Variants in AKNAD1 observed in about 807,000 individuals in gnomAD.
AKNAD1 encodes the protein AKNA domain containing 1.
In AKNAD1, 67 loss-of-function variants were observed where a neutral mutation model predicts 90.8. That is an observed-to-expected ratio of 0.74 (90% CI 0.61 to 0.90). The LOEUF is 0.90. AKNAD1 is among the 40% of genes least tolerant of loss of function. The pLI, the probability that AKNAD1 is intolerant of heterozygous loss-of-function variation, is 0.00. For synonymous variants in AKNAD1, 327 were observed against 341.4 expected, an observed-to-expected ratio of 0.96 and a Z score of 0.46; for missense variants, 957 against 975.4, an observed-to-expected ratio of 0.98 and a Z score of 0.25.
At chr1:108,845,518 A>G (rs985215225) in intron 5 of AKNAD1, among the ~76,000 whole-genome samples, 5 of 152,192 alleles carry the variant, frequency 3.3e-5, no homozygotes, top group African/African-American at 1.2e-4. Flanking sequence ...GGGTCCTTCC[A>G]GGAGATGCTT....
chr1:108,844,849 C>T (rs1008416348), intron 5 of AKNAD1, among the ~76,000 whole-genome samples: 13 of 149,868 alleles, frequency 8.7e-5, no homozygotes, highest in African/African-American at 2.7e-4. Context: ...GACAGTCACT[C>T]GCTCTGTCAC....
At chr1:108,830,471 C>A in intron 10 of AKNAD1, 88 bp downstream of exon 10, 1 of 1,260,674 alleles carries the variant, frequency 7.9e-7, no homozygotes. Flanking sequence ...CCAGTGGCCT[C>A]AGTTAGTTGC....
At chr1:108,819,702 A>G (rs1663749129) in intron 14 of AKNAD1, among the ~76,000 whole-genome samples, 1 of 151,924 alleles carries the variant, frequency 6.6e-6, no homozygotes, top group Non-Finnish European at 1.5e-5. Context: ...ACTTGAGGTC[A>G]GGAGTTTGAG....
At chr1:108,851,118 C>T (rs1479251142) in intron 2 of AKNAD1, among the ~76,000 whole-genome samples, 1 of 152,202 alleles carries the variant, frequency 6.6e-6, no homozygotes, top group Non-Finnish European at 1.5e-5. Flanking sequence ...TGCTGCCCTC[C>T]AGAGCCTTAG....
At chr1:108,816,451 TC>T (rs1663604247) in intron 15 of AKNAD1, 149 bp from the exon 16 acceptor site, 2 of 781,042 alleles carry the variant, frequency 2.6e-6, no homozygotes, top group Middle Eastern at 3.7e-4. Context: ...AGGGTTGGTT[TC>T]CTAGGAGACC....
chr1:108,819,680 G>A (rs1239133232), intron 14 of AKNAD1, among the ~76,000 whole-genome samples: 1 of 151,846 alleles, frequency 6.6e-6, no homozygotes, highest in African/African-American at 2.4e-5. Context: ...GGGTGACCAA[G>A]GTGGGAAGAT....
Position 108,849,912 on chromosome 1 carries a change from C to A in AKNAD1, c.994-336G>T, listed in dbSNP as rs529300864. 2.0e-5 allele frequency among the ~76,000 whole-genome samples: 3 copies of A among 152,264 alleles called. No individual in the cohort carries two copies. In the South Asian group the frequency reaches 6.2e-4, roughly 32 times the overall value. On this transcript the variant is annotated intron_variant, in intron 2 of 15. Coordinates refer to ENST00000370001, the MANE Select transcript of AKNAD1 (RefSeq NM_152763.5). ...TAACAATACATGTTACCTGTTATCA[C>A]CATTGTGTTTGATACTGGTATGTGA... is the stretch of plus-strand genomic sequence containing the variant.
chr1:108,828,170 A>G (rs903418513), intron 10 of AKNAD1, among the ~76,000 whole-genome samples: 2 of 151,898 alleles, frequency 1.3e-5, no homozygotes, highest in Middle Eastern at 3.4e-3. Flanking sequence ...TGGGTCACGT[A>G]GCTTTGGTCC....
chr1:108,846,272 T>C (rs910078436), intron 5 of AKNAD1, among the ~76,000 whole-genome samples: 8 of 152,256 alleles, frequency 5.3e-5, no homozygotes, highest in African/African-American at 1.9e-4. Context: ...GAGCCACCTT[T>C]ACTCTCCTCT....
At chr1:108,851,074 G>A in intron 2 of AKNAD1, among the ~76,000 whole-genome samples, 1 of 152,166 alleles carries the variant, frequency 6.6e-6, no homozygotes, top group East Asian at 1.9e-4. Flanking sequence ...AGGCCTCTGG[G>A]GGAAATTAGG....
Position 108,816,257 on chromosome 1 carries a change from A to G in AKNAD1, c.2425T>C (p.Leu809=), listed in dbSNP as rs770435128. ...LDHALRTATI[L]KETTDQMIKT... ...ATCATTTGATCTGTAGTTTCTTTCA[A>G]AATGGTTGCTGTCCTTAGGGCATGA... Residue 809 remains leucine, a synonymous_variant, in exon 16 of 16, where the codon TTG becomes CTG. Coordinates refer to ENST00000370001, the MANE Select transcript of AKNAD1 (RefSeq NM_152763.5). The G allele has an allele frequency of 6.2e-7, 1 of 1,613,794 alleles. No individual in the cohort carries two copies.
intron 11 of AKNAD1, among the ~76,000 whole-genome samples, chr1:108,825,580 T>C (rs1308833256): frequency 6.6e-6 from 1 of 151,640 alleles, no homozygotes; most frequent in Non-Finnish European, 1.5e-5. Flanking sequence ...TGATAATATA[T>C]ACCATTTTAT....
rs751368706 is a variant in AKNAD1, at chr1:108,849,079, A to G, written c.1034-19T>C. On this transcript the variant is annotated intron_variant, in intron 3 of 15. Coordinates refer to ENST00000370001, the MANE Select transcript of AKNAD1 (RefSeq NM_152763.5). Reference sequence around the variant, plus strand: ...TCTATTCCTATACAAGAAAGAACACATTTGGGCTACCATTCATCTCAACTT... The same window carrying G: ...TCTATTCCTATACAAGAAAGAACACGTTTGGGCTACCATTCATCTCAACTT... The G allele has an allele frequency of 6.4e-6, 10 of 1,556,020 alleles. No individual in the cohort carries two copies. The highest frequency in any genetic ancestry group is 7.8e-6 in the Non-Finnish European group (9 of 1,157,646).
At position 108,843,205 on chromosome 1, in the gene AKNAD1, G is replaced by A; in HGVS notation, c.1308C>T (p.Asp436=). 1 of 1,614,172 alleles carries A rather than the reference G, an allele frequency of 6.2e-7. No homozygotes were observed. The highest frequency in any genetic ancestry group is 1.1e-5 in the South Asian group (1 of 91,078). The change falls in exon 6 of 16, where the codon GAC becomes GAT. Residue 436 remains aspartate, a synonymous_variant. Transcript: ENST00000370001. ...CTTGCTGCTGCAAAGTCAGATGCTT[G>A]TCCTTGGTGGCCAGAAAGTTCTGCT... ...LLEQNFLATK[D]KHLTLQQQVH...
At chr1:108,852,888 G>A (rs1244711812) in intron 1 of AKNAD1, 121 bp from the exon 2 acceptor site, 3 of 376,066 alleles carry the variant, frequency 8.0e-6, no homozygotes, top group Non-Finnish European at 1.4e-5. Flanking sequence ...AAGGCAGGAA[G>A]CTCAACCACA....
In AKNAD1 at chr1:108,848,793, T is replaced by A. The variant is rs755695173; in HGVS notation, c.1204A>T (p.Ile402Leu). ...KTKVQEFSKR[I>L]KQDSPYHLQD... ...AAATGGTAAGGAGAGTCCTGTTTTATTCTTTTGGAAAATTCTTGTACCTGC... is the reference window on the plus strand; with the variant it reads ...AAATGGTAAGGAGAGTCCTGTTTTAATCTTTTGGAAAATTCTTGTACCTGC... The change falls in exon 5 of 16, where the codon ATA becomes TTA. Residue 402 changes from isoleucine (I) to leucine (L), a missense_variant. By Grantham distance (5) the Ile-to-Leu change is conservative. Coordinates refer to ENST00000370001, the MANE Select transcript of AKNAD1 (RefSeq NM_152763.5). 1.9e-5 allele frequency: 31 copies of A among 1,610,748 alleles called. No individual in the cohort carries two copies. Among genetic ancestry groups the A allele is most frequent in the Non-Finnish European group, 2.6e-5 (31 of 1,179,280 alleles).
chr1:108,856,662 T>C (rs972028922), intron 1 of AKNAD1, among the ~76,000 whole-genome samples: 1 of 151,898 alleles, frequency 6.6e-6, no homozygotes, highest in Non-Finnish European at 1.5e-5. Context: ...GCAGAGATCA[T>C]GCCACTGCAC....
At chr1:108,825,082 A>G (rs10857965) in intron 11 of AKNAD1, among the ~76,000 whole-genome samples, 87,451 of 150,786 alleles carry the variant, frequency 0.58, 26,346 homozygotes, top group African/African-American at 0.64. Context: ...CCCACATGTC[A>G]GGGAACTGAG....
chr1:108,834,637 G>A (rs1204788687), intron 8 of AKNAD1, 109 bp from the exon 9 acceptor site: 19 of 1,155,504 alleles, frequency 1.6e-5, no homozygotes, highest in African/African-American at 4.7e-5. Flanking sequence ...TGGTGGGAGC[G>A]AGCAACCTAA....
Sources: allele counts gnomAD v4.1 joint callset (sites outside exome capture counted in the v4.1 genomes callset), GRCh38; gene constraint gnomAD v4.1.1; transcripts MANE v1.5; gene names NCBI Gene and HGNC (gene_info 2026-07-23, HGNC 2026-07-21).